MGST1: variants seen among roughly 807,000 people sequenced by gnomAD.
MGST1 encodes the protein glutathione S-transferase 12.
In MGST1, 5 loss-of-function variants were observed where a neutral mutation model predicts 8.9. The ratio of observed to expected loss-of-function variants is 0.56; its 90% CI spans 0.29 to 1.19. The LOEUF (loss-of-function observed/expected upper bound fraction) is 1.19. Among genes scored for constraint, MGST1 ranks in the 50% most tolerant of loss-of-function variants. The pLI, the probability that MGST1 is intolerant of heterozygous loss-of-function variation, is 0.08. For missense variants in MGST1, 182 were observed against 187.4 expected (o/e 0.97, Z 0.17); for synonymous variants, 54 against 67.8 (o/e 0.80, Z 1.00).
chr12:16,565,893 C>T (rs1942579987), intron 4 of MGST1, among the ~76,000 whole-genome samples: 1 of 149,292 alleles, frequency 6.7e-6, no homozygotes, highest in Admixed American at 6.7e-5. Context: ...TATCTGCACT[C>T]TCGTGTTTAT....
rs1439738197 is a variant in MGST1 at position 16,482,309 on chromosome 12, A to G, written n.482+98705A>G. Among the ~76,000 whole-genome samples, 1 of 152,152 alleles carries G rather than the reference A, an allele frequency of 6.6e-6. No homozygotes were observed. Among genetic ancestry groups the G allele is most frequent in the East Asian group, 1.9e-4 (1 of 5,174 alleles). ...TAAAATAGATTTTTCTGTGAGAAAA[A>G]GAAAAGGAATGTTTGATCTGAAGTA... On this transcript the variant is annotated intron_variant and non_coding_transcript_variant, in intron 4 of 4. Coordinates refer to the MGST1 transcript ENST00000538857. The surrounding 1 kb of genome is among the most constrained non-coding windows in gnomAD (Gnocchi z 4.2).
intron 1 of MGST1, among the ~76,000 whole-genome samples, chr12:16,386,606 A>C (rs1244948116): frequency 6.6e-6 from 1 of 152,240 alleles, no homozygotes; most frequent in African/African-American, 2.4e-5. Context: ...TTTACTTCTG[A>C]TCTTTTGCAG....
Position 16,399,964 on chromosome 12 carries a change from C to T in MGST1, n.778+16360C>T, listed in dbSNP as rs1940640407. On this transcript the variant is annotated intron_variant and non_coding_transcript_variant, in intron 1 of 1. Coordinates refer to the MGST1 transcript ENST00000359720. ...CCATTCCATAGCATTTACCAGCGCA[C>T]TACTAGTGGGCTGAAGGAGGCAGGT... is the stretch of plus-strand genomic sequence containing the variant. 2.2e-5 allele frequency: 30 copies of T among 1,351,276 alleles called. 1 individual carries two copies. In the South Asian group the frequency reaches 2.7e-4, roughly 12 times the overall value. 83.7% of individuals were successfully genotyped at this position (1,351,276 alleles called of 1,614,324 possible).
In MGST1 at chr12:16,354,393, G is replaced by A; in HGVS notation, c.126+15G>A. 1 of 1,582,100 alleles carries A rather than the reference G, an allele frequency of 6.3e-7. No individual in the cohort carries two copies. On this transcript the variant is annotated intron_variant, in intron 2 of 3. Transcript: ENST00000396210. ...TGACAAGAAAGGTAAGAAATTTGGA[G>A]GTAATATTTTCTTACTTTTAAGAGT...
exon 1 of MGST1, chr12:16,383,311 A>C (rs1288921744): frequency 6.6e-6 from 1 of 152,226 alleles, no homozygotes; most frequent in East Asian, 1.9e-4. Flanking sequence ...TACTTTTAAA[A>C]TATTTTGCAC....
rs574168602 is a variant in MGST1, at chr12:16,466,110, AT to A, written n.482+82508del. On this transcript the variant is annotated intron_variant and non_coding_transcript_variant, in intron 4 of 4. Transcript: ENST00000538857. ...CCTAAATGGTGGTTCATTCAAGAAA[AT>A]TAATCTGTGTAATAAATGGATTAAA... Among the ~76,000 whole-genome samples the A allele has an allele frequency of 3.9e-5, 6 of 152,324 alleles. No individual in the cohort carries two copies. In the East Asian group the frequency reaches 1.2e-3, roughly 29 times the overall value.
chr12:16,442,675 C>T (rs922355592), downstream of MGST1, among the ~76,000 whole-genome samples: 1 of 151,750 alleles, frequency 6.6e-6, no homozygotes, highest in African/African-American at 2.4e-5. The surrounding 1 kb of genome is among the most constrained non-coding windows in gnomAD (Gnocchi z 4.5). Context: ...TTACCAATAC[C>T]ACAATGTCTT....
At chr12:16,563,733 T>C (rs184706126) in intron 4 of MGST1, among the ~76,000 whole-genome samples, 44 of 152,312 alleles carry the variant, frequency 2.9e-4, no homozygotes, top group African/African-American at 8.9e-4. Flanking sequence ...TAAGAGTTCT[T>C]AGTCGTACAC....
At chr12:16,468,425 A>G (rs1565460343) in intron 4 of MGST1, among the ~76,000 whole-genome samples, 1 of 152,204 alleles carries the variant, frequency 6.6e-6, no homozygotes, top group Non-Finnish European at 1.5e-5. Flanking sequence ...GCAAAAGAAG[A>G]ATGAGCAAAA....
chr12:16,411,120 A>T (rs1464888094), intron 1 of MGST1, among the ~76,000 whole-genome samples: 1 of 152,040 alleles, frequency 6.6e-6, no homozygotes, highest in Non-Finnish European at 1.5e-5. Flanking sequence ...TCAAGGTATT[A>T]CTTGCTTTCT....
chr12:16,399,180 A>G (rs1565447223), intron 1 of MGST1: 3 of 1,266,614 alleles, frequency 2.4e-6, no homozygotes, highest in East Asian at 4.6e-5. Context: ...CAAAACTTCA[A>G]ATGAAAACAA....
intron 4 of MGST1, among the ~76,000 whole-genome samples, chr12:16,451,821 A>G (rs1307575705): frequency 1.3e-5 from 2 of 151,890 alleles, no homozygotes; most frequent in Non-Finnish European, 2.9e-5. Flanking sequence ...TAAGTAATCA[A>G]TTTGGTTTTC....
chr12:16,411,499 T>A (rs1940742276), intron 1 of MGST1, among the ~76,000 whole-genome samples: 1 of 152,122 alleles, frequency 6.6e-6, no homozygotes. Context: ...AGGTCAGAGA[T>A]CTCACATTCT....
In MGST1 at chr12:16,555,554, A is replaced by G. The variant is rs990237677; in HGVS notation, n.483-33974A>G. 6.6e-6 allele frequency among the ~76,000 whole-genome samples: 1 copy of G among 152,246 alleles called. No homozygotes were observed. The highest frequency in any genetic ancestry group is 2.4e-5 in the African/African-American group (1 of 41,468). On this transcript the variant is annotated intron_variant and non_coding_transcript_variant, in intron 4 of 4. Coordinates refer to the MGST1 transcript ENST00000538857. This position sits in a 1 kb window ranked among gnomAD's most constrained non-coding sequence, Gnocchi z 5.5. ...ATTTATTCCAGAAACCAACAGCTTT[A>G]AATAACAAATGTATTTTAGATGACT... is the stretch of plus-strand genomic sequence containing the variant.
intron 4 of MGST1, among the ~76,000 whole-genome samples, chr12:16,541,358 T>G (rs1408262255): frequency 6.6e-6 from 1 of 152,182 alleles, no homozygotes; most frequent in African/African-American, 2.4e-5. Context: ...AAGGCAAGGA[T>G]CTGACATTAT....
intron 1 of MGST1, among the ~76,000 whole-genome samples, chr12:16,397,792 G>C (rs1940618624): frequency 8.6e-6 from 1 of 116,184 alleles, no homozygotes; most frequent in African/African-American, 3.1e-5. Flanking sequence ...TTTTTTTTTG[G>C]TATTGCTGTA....
At chr12:16,561,413 A>G (rs1591778097) in intron 4 of MGST1, among the ~76,000 whole-genome samples, 1 of 152,140 alleles carries the variant, frequency 6.6e-6, no homozygotes. Context: ...CTAGGAAGCA[A>G]ACTAGATGAA....
chr12:16,568,658 T>C (rs1485807771), intron 4 of MGST1, among the ~76,000 whole-genome samples: 1 of 152,264 alleles, frequency 6.6e-6, no homozygotes, highest in African/African-American at 2.4e-5. Flanking sequence ...TGGTAATCTT[T>C]GGATACATTG....
downstream of MGST1, among the ~76,000 whole-genome samples, chr12:16,590,746 T>G (rs746006089): frequency 3.3e-5 from 5 of 152,094 alleles, no homozygotes; most frequent in Admixed American, 6.6e-5. Flanking sequence ...TACTATGATG[T>G]ATAGATATTC....
Sources: gnomAD v4.1 joint callset for allele counts (sites outside exome capture counted in the v4.1 genomes callset) on GRCh38, gnomAD v4.1.1 for gene constraint, Gnocchi (gnomAD v3.1) non-coding constraint, MANE v1.5 for transcripts, NCBI Gene and HGNC (gene_info 2026-07-23, HGNC 2026-07-21) for gene names.